TG: variants seen among roughly 807,000 people sequenced by gnomAD.
TG encodes thyroglobulin, also known as thyroid hormones.
Under a neutral mutation model 324.7 loss-of-function variants are expected in TG, and 270 were observed. The ratio of observed to expected loss-of-function variants is 0.83; its 90% CI spans 0.75 to 0.92. TG has a LOEUF of 0.92. Among genes scored for constraint, TG ranks in the 40% least tolerant of loss-of-function variants. TG has a pLI of 0.00. For missense variants in TG, 3,591 were observed against 3,456.4 expected (o/e 1.04, Z -0.98); for synonymous variants, 1,401 against 1,327.0 (o/e 1.06, Z -1.21).
At chr8:132,892,284 C>G (rs900141350) in intron 10 of TG, among the ~76,000 whole-genome samples, 1 of 152,212 alleles carries the variant, frequency 6.6e-6, no homozygotes, top group Admixed American at 6.5e-5. Context: ...TCATTAGAGA[C>G]AGCTAGTCAA....
At position 132,929,122 on chromosome 8, in the gene TG, C is replaced by T. The variant is rs374297725; in HGVS notation, c.4746C>T (p.Asp1582=). ...TTCCAGAATCAAAGGTGATCTTCGA[C>T]GCCAATGCTCCTGTGGCTGTCAGAT... is the stretch of plus-strand genomic sequence containing the variant. ...EKVPESKVIF[D]ANAPVAVRSK... is the part of the protein sequence containing the mutation. Residue 1582 remains aspartate, a synonymous_variant, in exon 23 of 48, where the codon GAC becomes GAT. Coordinates refer to ENST00000220616, the MANE Select transcript of TG (RefSeq NM_003235.5). 149 of 1,613,964 alleles carry T rather than the reference C, an allele frequency of 9.2e-5. No homozygotes were observed. The highest frequency in any genetic ancestry group is 1.2e-4 in the Non-Finnish European group (138 of 1,180,032).
intron 39 of TG, among the ~76,000 whole-genome samples, chr8:133,021,278 A>G (rs1835537842): frequency 6.6e-6 from 1 of 152,216 alleles, no homozygotes; most frequent in South Asian, 2.1e-4. Context: ...CTGTGTTACC[A>G]AGATGGGTCC....
Position 132,990,158 on chromosome 8 carries a change from T to TTATATATATA in TG, c.6262+6761_6262+6770dup, listed in dbSNP as rs10536232. On this transcript the variant is annotated intron_variant, in intron 35 of 47. Coordinates refer to ENST00000220616, the MANE Select transcript of TG (RefSeq NM_003235.5). ...AACCAGTTAAAGCTGAGCTATACAA[T>TTATATATATA]TATATATATATATATATATATATAA... 4.1e-3 allele frequency among the ~76,000 whole-genome samples: 586 copies of TTATATATATA among 141,670 alleles called. 1 individual carries two copies. Among genetic ancestry groups the TTATATATATA allele is most frequent in the African/African-American group, 0.012 (451 of 38,164 alleles). The allele number at this position is 141,670 out of a possible 152,430, so 92.9% of individuals were successfully genotyped here. A position where few individuals can be genotyped will look rare whatever the true frequency, so the allele number is the denominator to read the frequency against.
chr8:132,957,766 C>CACACACACACACACACACAGAG, intron 27 of TG, among the ~76,000 whole-genome samples: 1 of 145,586 alleles, frequency 6.9e-6, no homozygotes, highest in East Asian at 2.1e-4. Context: ...CACACACACA[C>CACACACACACACACACACAGAG]ACACACACAC....
intron 27 of TG, among the ~76,000 whole-genome samples, chr8:132,952,622 T>G (rs1005335508): frequency 2.0e-5 from 3 of 152,194 alleles, no homozygotes; most frequent in African/African-American, 7.2e-5. Flanking sequence ...GGCATTTGTT[T>G]TTAAAGCACA....
At chr8:132,941,682 C>T (rs1471288924) in intron 26 of TG, 140 bp downstream of exon 26, 2 of 865,534 alleles carry the variant, frequency 2.3e-6, no homozygotes, top group Middle Eastern at 3.3e-4. Flanking sequence ...CAGTCAAGTA[C>T]ACAATACACA....
rs1487053652 is a variant in TG at position 132,930,229 on chromosome 8, T to C, written c.4816+1037T>C. On this transcript the variant is annotated intron_variant, in intron 23 of 47. Coordinates refer to ENST00000220616, the MANE Select transcript of TG (RefSeq NM_003235.5). ...GGAAATATTTGTAGAATGAGAGATA[T>C]TGACAGGAATGGAGGGACAGAACCA... is the stretch of plus-strand genomic sequence containing the variant. Among the ~76,000 whole-genome samples, 4 of 152,186 alleles carry C rather than the reference T, an allele frequency of 2.6e-5. No homozygotes were observed. The South Asian group carries it at 6.2e-4, about 24-fold the overall frequency.
rs116642273 is a variant in TG, at chr8:132,900,312, C to A, written c.3406C>A (p.Arg1136=). 4 of 1,613,434 alleles carry A rather than the reference C, an allele frequency of 2.5e-6. No individual in the cohort carries two copies. Among genetic ancestry groups the A allele is most frequent in the Non-Finnish European group, 2.5e-6 (3 of 1,179,828 alleles). ...GGACCCTGCATCAGGAGAAGAGTTGCGGCCTGGCTCGAGCAGCAGTGCCCA... is the reference window on the plus strand; with the variant it reads ...GGACCCTGCATCAGGAGAAGAGTTGAGGCCTGGCTCGAGCAGCAGTGCCCA... ...CVDPASGEEL[R]PGSSSSAQCP... is the part of the protein sequence containing the mutation. Residue 1136 remains arginine, a synonymous_variant, in exon 15 of 48, where the codon CGG becomes AGG. Transcript: ENST00000220616.
intron 41 of TG, among the ~76,000 whole-genome samples, chr8:133,041,080 T>C (rs191697182): frequency 7.2e-5 from 11 of 152,278 alleles, no homozygotes; most frequent in Middle Eastern, 3.4e-3. Context: ...ATCTTAGAGA[T>C]TGAGGAAATT....
intron 22 of TG, among the ~76,000 whole-genome samples, chr8:132,925,516 C>CAT (rs1554670095): frequency 2.1e-4 from 31 of 144,732 alleles, no homozygotes; most frequent in African/African-American, 7.7e-4. Context: ...CTAAGGAGTG[C>CAT]GTGTGTGTGT....
rs181843756 is a variant in TG at position 132,935,407 on chromosome 8, G to A, written c.4933-349G>A. Among the ~76,000 whole-genome samples, 186 of 152,082 alleles carry A rather than the reference G, an allele frequency of 1.2e-3. 1 individual carries two copies. Among genetic ancestry groups the A allele is most frequent in the African/African-American group, 4.4e-3 (183 of 41,474 alleles). On this transcript the variant is annotated intron_variant, in intron 24 of 47. Transcript: ENST00000220616. ...GATCCACCCGCCTCGGCCTCCCAAAGTGCTGGGATTACAGGTGTGAGCCAC... is the reference window on the plus strand; with the variant it reads ...GATCCACCCGCCTCGGCCTCCCAAAATGCTGGGATTACAGGTGTGAGCCAC...
intron 45 of TG, among the ~76,000 whole-genome samples, chr8:133,127,017 C>T (rs943896144): frequency 1.3e-5 from 2 of 152,122 alleles, no homozygotes; most frequent in Non-Finnish European, 2.9e-5. Flanking sequence ...TCAAATCAGT[C>T]CATTCAGATG....
intron 41 of TG, among the ~76,000 whole-genome samples, chr8:133,061,578 G>A (rs1842373388): frequency 6.6e-6 from 1 of 152,256 alleles, no homozygotes; most frequent in African/African-American, 2.4e-5. Flanking sequence ...TGGAAGCACA[G>A]AGAGGAAGGC....
At chr8:132,994,707 T>C in intron 35 of TG, 2 of 1,288,474 alleles carry the variant, frequency 1.6e-6, no homozygotes, top group Non-Finnish European at 2.0e-6. Flanking sequence ...ATCTACCTCT[T>C]CTCCCCAGTG....
intron 40 of TG, among the ~76,000 whole-genome samples, chr8:133,022,753 T>C (rs1835675667): frequency 6.6e-6 from 1 of 152,132 alleles, no homozygotes. Flanking sequence ...ACATCCTCCA[T>C]CCACGTCTTT....
chr8:133,123,278 C>A (rs1851280263), intron 45 of TG, among the ~76,000 whole-genome samples: 1 of 151,988 alleles, frequency 6.6e-6, no homozygotes, highest in Non-Finnish European at 1.5e-5. Context: ...GTCCCTGGCC[C>A]CTTGGAACCC....
chr8:133,075,450 A>C (rs972044155), intron 41 of TG, among the ~76,000 whole-genome samples: 3 of 152,244 alleles, frequency 2.0e-5, no homozygotes, highest in African/African-American at 7.2e-5. Flanking sequence ...TGTGTGCGTC[A>C]AGGGAAAAAA....
intron 5 of TG, among the ~76,000 whole-genome samples, chr8:132,875,766 C>A (rs1430631344): frequency 6.6e-6 from 1 of 152,192 alleles, no homozygotes; most frequent in African/African-American, 2.4e-5. Context: ...GAAAGCATGT[C>A]TCTGAGTAAA....
At chr8:133,013,486 G>C in intron 36 of TG, 114 bp from the exon 37 acceptor site, 1 of 1,284,110 alleles carries the variant, frequency 7.8e-7, no homozygotes, top group Non-Finnish European at 1.1e-6. Context: ...TGGATAGAAG[G>C]ATGGATGGAT....
Sources: allele counts gnomAD v4.1 joint callset (sites outside exome capture counted in the v4.1 genomes callset), GRCh38; gene constraint gnomAD v4.1.1; transcripts MANE v1.5; gene names NCBI Gene and HGNC (gene_info 2026-07-23, HGNC 2026-07-21).